The following MLIP variants were observed in gnomAD, a reference collection of about 807,000 sequenced individuals.
MLIP encodes the protein muscular LMNA interacting protein.
MLIP carries 79 observed loss-of-function variants against 84.8 expected under a neutral mutation model. That is an observed-to-expected ratio of 0.93 (90% CI 0.78 to 1.12). The LOEUF is 1.12. MLIP is among the 50% of genes most tolerant of loss of function. The probability of loss-of-function intolerance (pLI) is 0.00; values close to 1 mark genes in which losing one functional copy is unlikely to be tolerated. For missense variants in MLIP, 1,257 were observed against 1,160.6 expected, an observed-to-expected ratio of 1.08 and a Z score of -1.21; for synonymous variants, 504 against 463.0, an observed-to-expected ratio of 1.09 and a Z score of -1.14.
At chr6:54,244,291 G>A (rs143388191) in intron 12 of MLIP, among the ~76,000 whole-genome samples, 193 of 152,130 alleles carry the variant, frequency 1.3e-3, no homozygotes, top group Non-Finnish European at 1.8e-3. Flanking sequence ...GATAGCTATC[G>A]AGATGATTAA....
intron 1 of MLIP, among the ~76,000 whole-genome samples, chr6:54,021,121 G>A (rs187279767): frequency 6.6e-6 from 1 of 152,182 alleles, no homozygotes; most frequent in Non-Finnish European, 1.5e-5. Flanking sequence ...TCAGTTCATC[G>A]AGCATTATGT....
chr6:54,106,926 A>G (rs1192142785), upstream of MLIP, among the ~76,000 whole-genome samples: 1 of 152,172 alleles, frequency 6.6e-6, no homozygotes, highest in Admixed American at 6.5e-5. Flanking sequence ...GGGCTACTTC[A>G]AAGCTGAGGG....
intron 1 of MLIP, among the ~76,000 whole-genome samples, chr6:54,062,236 A>G (rs929999574): frequency 2.0e-5 from 3 of 151,968 alleles, no homozygotes; most frequent in Non-Finnish European, 4.4e-5. Flanking sequence ...AACAATGTCT[A>G]TTTCATTATT....
At chr6:54,142,045 A>G (rs987855738) in intron 4 of MLIP, among the ~76,000 whole-genome samples, 1 of 152,258 alleles carries the variant, frequency 6.6e-6, no homozygotes, top group Non-Finnish European at 1.5e-5. Flanking sequence ...TAGTGGCAGC[A>G]GTCTATCTGT....
At chr6:54,028,335 G>A (rs532321120) in intron 1 of MLIP, among the ~76,000 whole-genome samples, 8 of 152,178 alleles carry the variant, frequency 5.3e-5, no homozygotes, top group South Asian at 2.1e-4. Flanking sequence ...CTGTCAGAGC[G>A]TAGCAATTTA....
In MLIP at chr6:54,069,730, A is replaced by T. The variant is rs548637642; in HGVS notation, c.63+50639A>T. The stretch of plus-strand genomic sequence containing the variant: ...GATCTGTAGTTTGTTGAATCCAGGG[A>T]TGCAGAACTCGTCTATATGGAGGGC... On this transcript the variant is annotated intron_variant, in intron 1 of 12. Coordinates refer to the MLIP transcript ENST00000274897. Among the ~76,000 whole-genome samples the T allele has an allele frequency of 5.0e-5, 5 of 99,258 alleles. 2 individuals are homozygous for T. The East Asian group carries it at 1.3e-3, about 27-fold the overall frequency. The allele number at this position is 99,258 out of a possible 152,430, so 65.1% of individuals were successfully genotyped here. A position where few individuals can be genotyped will look rare whatever the true frequency, so the allele number is the denominator to read the frequency against.
intron 3 of MLIP, among the ~76,000 whole-genome samples, chr6:54,129,054 A>G (rs1771165527): frequency 6.6e-6 from 1 of 152,104 alleles, no homozygotes. Flanking sequence ...AGACCAAAAG[A>G]ACTGACTGGG....
At chr6:54,074,639 A>C (rs1289874800) in intron 1 of MLIP, among the ~76,000 whole-genome samples, 2 of 152,198 alleles carry the variant, frequency 1.3e-5, no homozygotes, top group African/African-American at 2.4e-5. Flanking sequence ...CATGCTATAA[A>C]GTATTCACAC....
intron 5 of MLIP, among the ~76,000 whole-genome samples, chr6:54,159,483 G>T (rs570281972): frequency 2.2e-3 from 342 of 152,176 alleles, no homozygotes; most frequent in Non-Finnish European, 4.0e-3. Context: ...AGGTACTGAA[G>T]CATGACCAAG....
chr6:54,067,715 A>G (rs1385894675), intron 1 of MLIP, among the ~76,000 whole-genome samples: 1 of 101,444 alleles, frequency 9.9e-6, no homozygotes, highest in East Asian at 2.6e-4. Flanking sequence ...GCACAAAGGC[A>G]GGAAAGTTAA....
intron 3 of MLIP, among the ~76,000 whole-genome samples, chr6:54,135,937 T>C (rs890902120): frequency 7.9e-5 from 12 of 152,290 alleles, no homozygotes; most frequent in African/African-American, 2.9e-4. Flanking sequence ...TTCCTCTTTA[T>C]TTGGATTGGT....
chr6:54,091,803 T>C (rs1289175396), intron 1 of MLIP, among the ~76,000 whole-genome samples: 2 of 152,210 alleles, frequency 1.3e-5, no homozygotes, highest in African/African-American at 2.4e-5. Flanking sequence ...ACACTTGTTG[T>C]TTCAGAACTT....
At chr6:54,228,300 T>C (rs1474792205) in intron 11 of MLIP, among the ~76,000 whole-genome samples, 1 of 149,896 alleles carries the variant, frequency 6.7e-6, no homozygotes, top group African/African-American at 2.5e-5. Context: ...AATCACAGGA[T>C]CATAATGTAT....
rs1202830085 is a variant in MLIP, at chr6:54,115,443, TA to T, written c.96+3869del. 7.2e-5 allele frequency among the ~76,000 whole-genome samples: 11 copies of T among 152,148 alleles called. No individual in the cohort carries two copies. The East Asian group carries it at 1.5e-3, about 21-fold the overall frequency. On this transcript the variant is annotated intron_variant, in intron 1 of 13. Transcript: ENST00000502396. ...TTAAAAAATGTTAGAGTTGGACTACTAGGGGGATAGTATGGAGCGATAAAAA... is the reference window on the plus strand; with the variant it reads ...TTAAAAAATGTTAGAGTTGGACTACTGGGGGATAGTATGGAGCGATAAAAA...
chr6:54,046,185 A>G (rs879490954), intron 1 of MLIP: 1 of 151,672 alleles, frequency 6.6e-6, no homozygotes, highest in Non-Finnish European at 1.5e-5. Flanking sequence ...CCATTAAAAT[A>G]CCCTTTCCAT....
intron 11 of MLIP, chr6:54,216,909 A>G (rs1582531336): frequency 2.9e-5 from 29 of 985,252 alleles, no homozygotes; most frequent in Non-Finnish European, 3.4e-5. Flanking sequence ...GTCTTTAGAT[A>G]AAGGGGTCGC....
At chr6:54,070,125 G>C (rs1766393267) in intron 1 of MLIP, among the ~76,000 whole-genome samples, 1 of 152,114 alleles carries the variant, frequency 6.6e-6, no homozygotes, top group African/African-American at 2.4e-5. Context: ...TCTCTGTTGT[G>C]TTAAGTGTTA....
chr6:54,086,267 T>C (rs907735211), intron 1 of MLIP, among the ~76,000 whole-genome samples: 3 of 152,174 alleles, frequency 2.0e-5, no homozygotes, highest in Non-Finnish European at 4.4e-5. Context: ...GTTTAAATTC[T>C]AGGCTCATAT....
At chr6:54,157,583 C>G (rs1341315936) in intron 5 of MLIP, among the ~76,000 whole-genome samples, 2 of 152,014 alleles carry the variant, frequency 1.3e-5, no homozygotes, top group African/African-American at 4.8e-5. Flanking sequence ...ATCCCCCTTC[C>G]CTGGACTGTG....
Sources: gnomAD v4.1 joint callset for allele counts (sites outside exome capture counted in the v4.1 genomes callset) on GRCh38, gnomAD v4.1.1 for gene constraint, MANE v1.5 for transcripts, NCBI Gene and HGNC (gene_info 2026-07-23, HGNC 2026-07-21) for gene names.